The following USH2A variants were observed in gnomAD, a reference collection of about 807,000 sequenced individuals.
USH2A encodes the protein usherin.
Under a neutral mutation model 538.9 loss-of-function variants are expected in USH2A, and 443 were observed. That is an observed-to-expected ratio of 0.82 (90% CI 0.76 to 0.89). The LOEUF (loss-of-function observed/expected upper bound fraction) is 0.89, where lower values mean the gene tolerates loss of function less well. Among genes scored for constraint, USH2A ranks in the 40% least tolerant of loss-of-function variants. USH2A has a pLI of 0.00. For missense variants in USH2A, 6,633 were observed against 6,324.8 expected (o/e 1.05, Z -1.65); for synonymous variants, 2,413 against 2,273.5 (o/e 1.06, Z -1.75).
chr1:216,211,879 T>C (rs1159055030), intron 15 of USH2A, among the ~76,000 whole-genome samples: 1 of 152,186 alleles, frequency 6.6e-6, no homozygotes, highest in African/African-American at 2.4e-5. Context: ...AATCCTGTTG[T>C]TCTTGGTGGA....
At chr1:216,251,134 G>C (rs779966874) in intron 11 of USH2A, 36 bp from the exon 12 acceptor site, 10 of 1,606,586 alleles carry the variant, frequency 6.2e-6, no homozygotes, top group Non-Finnish European at 8.5e-6. Flanking sequence ...AATGATGAAC[G>C]TATCTATTTT....
chr1:216,284,920 C>T (rs566410854), intron 11 of USH2A, among the ~76,000 whole-genome samples: 2 of 152,128 alleles, frequency 1.3e-5, no homozygotes, highest in African/African-American at 4.8e-5. Context: ...TTTGCCCCTC[C>T]CCTGGAGATC....
chr1:215,680,648 C>T (rs1374170174), intron 61 of USH2A, among the ~76,000 whole-genome samples: 3 of 151,328 alleles, frequency 2.0e-5, no homozygotes, highest in East Asian at 1.9e-4. Flanking sequence ...CAGCCCAAAG[C>T]GTGTGATATA....
At position 215,867,118 on chromosome 1, in the gene USH2A, G is replaced by C. The variant is rs370402372; in HGVS notation, c.8734C>G (p.Pro2912Ala). Residue 2912 changes from proline (P) to alanine (A), a missense_variant, in exon 44 of 72, where the codon CCG becomes GCG. Transcript: ENST00000307340. Reference protein sequence around the residue: ...LFVHNSVGFTPSREVTVTTLA... With the variant: ...LFVHNSVGFTASREVTVTTLA... Reference sequence around the variant, plus strand: ...GTTGTCACAGTCACTTCTCGGCTCGGTGTAAAACCCACACTGTTGTGTACG... The same window carrying C: ...GTTGTCACAGTCACTTCTCGGCTCGCTGTAAAACCCACACTGTTGTGTACG... The C allele has an allele frequency of 3.7e-6, 6 of 1,613,948 alleles. No homozygotes were observed. The African/African-American group carries it at 8.0e-5, about 22-fold the overall frequency.
intron 61 of USH2A, among the ~76,000 whole-genome samples, chr1:215,681,066 G>A (rs979841936): frequency 6.6e-6 from 1 of 152,076 alleles, no homozygotes; most frequent in African/African-American, 2.4e-5. Context: ...TTGTTAGCTA[G>A]GCTTGGAGAA....
intron 70 of USH2A, among the ~76,000 whole-genome samples, chr1:215,631,333 T>C (rs1309770960): frequency 6.6e-6 from 1 of 152,084 alleles, no homozygotes; most frequent in Non-Finnish European, 1.5e-5. Flanking sequence ...GAATCTGGCT[T>C]GTTCCTATTC....
Position 215,844,356 on chromosome 1 carries a change from T to A in USH2A, c.9196A>T (p.Met3066Leu), listed in dbSNP as rs1435270836. 3 of 1,613,734 alleles carry A rather than the reference T, an allele frequency of 1.9e-6. No homozygotes were observed. In the African/African-American group the frequency reaches 4.0e-5, roughly 22 times the overall value. ...AGAATAAACGACCCAGGCACATTCA[T>A]TCCAGTCTTGTAGAGCTTATTATTT... Reference protein sequence around the residue: ...YVNNKLYKTGMNVPGSFILRD... With the variant: ...YVNNKLYKTGLNVPGSFILRD... The change falls in exon 46 of 72, where the codon ATG becomes TTG. Residue 3066 changes from methionine to leucine, a missense_variant. Physicochemically the swap from Met to Leu is conservative, Grantham distance 15. Coordinates refer to ENST00000307340, the MANE Select transcript of USH2A (RefSeq NM_206933.4).
intron 21 of USH2A, among the ~76,000 whole-genome samples, chr1:216,163,314 T>A (rs1373595982): frequency 6.6e-6 from 1 of 152,066 alleles, no homozygotes; most frequent in South Asian, 2.1e-4. Context: ...TTCTGAACAT[T>A]TTCATTGATT....
chr1:216,117,398 T>G (rs1329344912), intron 21 of USH2A, among the ~76,000 whole-genome samples: 4 of 152,182 alleles, frequency 2.6e-5, no homozygotes, highest in African/African-American at 9.7e-5. Context: ...AGGAAGTAAA[T>G]CTTTATATAT....
intron 21 of USH2A, among the ~76,000 whole-genome samples, chr1:216,154,767 T>C (rs939229010): frequency 1.3e-5 from 2 of 152,226 alleles, no homozygotes; most frequent in Admixed American, 6.5e-5. Flanking sequence ...CTCTTTCCTT[T>C]GTATTGCTTA....
intron 37 of USH2A, among the ~76,000 whole-genome samples, chr1:215,945,308 T>C (rs1213791384): frequency 2.0e-5 from 3 of 152,130 alleles, no homozygotes; most frequent in Non-Finnish European, 4.4e-5. Context: ...TGGACAATTA[T>C]AGAAATGAAA....
At chr1:215,785,932 T>TACACACACACACAC (rs10638003) in intron 52 of USH2A, among the ~76,000 whole-genome samples, 1 of 146,498 alleles carries the variant, frequency 6.8e-6, no homozygotes, top group African/African-American at 2.5e-5. Context: ...TGATAGATGA[T>TACACACACACACAC]ACACACACAC....
At chr1:215,847,877 G>A (rs1663907881) in intron 44 of USH2A, among the ~76,000 whole-genome samples, 1 of 151,892 alleles carries the variant, frequency 6.6e-6, no homozygotes, top group Non-Finnish European at 1.5e-5. Context: ...TTTTCTTTTT[G>A]TTTTTCCTAA....
At chr1:216,169,995 C>T (rs1265406873) in intron 21 of USH2A, among the ~76,000 whole-genome samples, 2 of 151,602 alleles carry the variant, frequency 1.3e-5, no homozygotes, top group Non-Finnish European at 2.9e-5. Flanking sequence ...CTTGCTCCCA[C>T]TCCAAGGAAA....
chr1:215,788,224 C>T (rs1258071820), intron 51 of USH2A, among the ~76,000 whole-genome samples: 1 of 152,088 alleles, frequency 6.6e-6, no homozygotes, highest in Non-Finnish European at 1.5e-5. Flanking sequence ...AGAGACAATG[C>T]AATGTGCTCA....
chr1:215,885,765 A>G (rs928552665), intron 41 of USH2A, among the ~76,000 whole-genome samples: 1 of 152,040 alleles, frequency 6.6e-6, no homozygotes, highest in Non-Finnish European at 1.5e-5. Flanking sequence ...TGATTTCCCT[A>G]TTGGACTGTA....
chr1:215,768,032 A>G (rs1423703060), intron 55 of USH2A, among the ~76,000 whole-genome samples: 1 of 151,880 alleles, frequency 6.6e-6, no homozygotes, highest in African/African-American at 2.4e-5. Context: ...ACATTTTCGC[A>G]TATTTTGTTC....
At chr1:216,230,894 T>TCA (rs1214075529) in intron 14 of USH2A, among the ~76,000 whole-genome samples, 7 of 149,792 alleles carry the variant, frequency 4.7e-5, no homozygotes, top group African/African-American at 1.5e-4. Flanking sequence ...TCTCTCTCTC[T>TCA]CTCTCACACA....
intron 47 of USH2A, among the ~76,000 whole-genome samples, chr1:215,824,341 T>A (rs1339844874): frequency 6.6e-6 from 1 of 152,110 alleles, no homozygotes; most frequent in African/African-American, 2.4e-5. Flanking sequence ...TTCTTTGTAA[T>A]TTTTCTGTTC....
Sources: allele counts gnomAD v4.1 joint callset (sites outside exome capture counted in the v4.1 genomes callset), GRCh38; gene constraint gnomAD v4.1.1; transcripts MANE v1.5; gene names NCBI Gene and HGNC (gene_info 2026-07-23, HGNC 2026-07-21).